TOPAZ1: variants seen among roughly 807,000 people sequenced by gnomAD.
TOPAZ1 encodes the protein protein TOPAZ1.
A neutral mutation model predicts 172.2 loss-of-function variants in TOPAZ1; 66 were observed. That is an observed-to-expected ratio of 0.38 (90% CI 0.31 to 0.47). The LOEUF is 0.47. Ranked by LOEUF, TOPAZ1 falls within the 20% of genes least tolerant of loss-of-function variation. TOPAZ1 has a pLI of 0.99. For synonymous variants in TOPAZ1, 681 were observed against 683.9 expected (o/e 1.00, Z 0.07); for missense variants, 1,822 against 1,972.4 (o/e 0.92, Z 1.44).
At chr3:44,270,091 T>C (rs1373207947) in intron 7 of TOPAZ1, among the ~76,000 whole-genome samples, 1 of 152,174 alleles carries the variant, frequency 6.6e-6, no homozygotes, top group African/African-American at 2.4e-5. Flanking sequence ...TGAATACTTT[T>C]CTGTGATGAA....
chr3:44,311,621 G>A (rs753116185), intron 16 of TOPAZ1, among the ~76,000 whole-genome samples: 1 of 152,092 alleles, frequency 6.6e-6, no homozygotes, highest in Non-Finnish European at 1.5e-5. Flanking sequence ...TGCAGTGACA[G>A]TTTCAACTAA....
chr3:44,299,818 T>G (rs1192010681), intron 12 of TOPAZ1, among the ~76,000 whole-genome samples: 1 of 149,036 alleles, frequency 6.7e-6, no homozygotes, highest in Non-Finnish European at 1.5e-5. Context: ...TGGATGAAAT[T>G]GGAAATCATC....
intron 13 of TOPAZ1, 114 bp downstream of exon 13, chr3:44,304,195 T>C (rs1459554279): frequency 3.5e-6 from 2 of 566,840 alleles, no homozygotes; most frequent in Non-Finnish European, 6.0e-6. Context: ...GTGGCTGTTA[T>C]ACAGAGAAAA....
intron 2 of TOPAZ1, among the ~76,000 whole-genome samples, chr3:44,251,723 A>G (rs1425091824): frequency 6.6e-6 from 1 of 152,174 alleles, no homozygotes; most frequent in Non-Finnish European, 1.5e-5. Flanking sequence ...GCTTGAGGTA[A>G]TCTGTATGGC....
intron 9 of TOPAZ1, among the ~76,000 whole-genome samples, chr3:44,282,319 C>A (rs1700031908): frequency 6.6e-6 from 1 of 152,148 alleles, no homozygotes; most frequent in South Asian, 2.1e-4. Flanking sequence ...TTAACTCTAT[C>A]TAAAGGGATT....
rs1267843851 is a variant in TOPAZ1 at position 44,286,154 on chromosome 3, G to C, written c.3437-1235G>C. 5.3e-5 allele frequency among the ~76,000 whole-genome samples: 8 copies of C among 151,670 alleles called. No individual in the cohort carries two copies. In the East Asian group the frequency reaches 1.6e-3, roughly 30 times the overall value. ...CGTTTGAACCTGGAAGGCAGAGGTT[G>C]CAGTGAGCTGAGATCATGCCACTGC... is the stretch of plus-strand genomic sequence containing the variant. On this transcript the variant is annotated intron_variant, in intron 9 of 19. Coordinates refer to ENST00000309765, the MANE Select transcript of TOPAZ1 (RefSeq NM_001145030.2).
chr3:44,248,735 A>G (rs1699595222), intron 2 of TOPAZ1, among the ~76,000 whole-genome samples: 1 of 152,206 alleles, frequency 6.6e-6, no homozygotes, highest in Non-Finnish European at 1.5e-5. Flanking sequence ...GGCTGCTGGA[A>G]TGAGTTTTTA....
intron 9 of TOPAZ1, among the ~76,000 whole-genome samples, chr3:44,285,135 G>T (rs2125692119): frequency 6.6e-6 from 1 of 152,250 alleles, no homozygotes; most frequent in East Asian, 1.9e-4. Context: ...TGAGTAATTG[G>T]TAAAGTAGCG....
At chr3:44,304,831 C>T (rs1025268994) in intron 13 of TOPAZ1, among the ~76,000 whole-genome samples, 1 of 152,122 alleles carries the variant, frequency 6.6e-6, no homozygotes, top group Non-Finnish European at 1.5e-5. Flanking sequence ...ATCATGTTTT[C>T]CGTAAAATCC....
At position 44,324,500 on chromosome 3, in the gene TOPAZ1, C is replaced by G. The variant is rs569899392; in HGVS notation, c.4675+1205C>G. Among the ~76,000 whole-genome samples, 7 of 151,922 alleles carry G rather than the reference C, an allele frequency of 4.6e-5. No individual in the cohort carries two copies. The South Asian group carries it at 1.2e-3, about 27-fold the overall frequency. On this transcript the variant is annotated intron_variant, in intron 18 of 19. Transcript: ENST00000309765. ...ATAACTGTGCAACTGGGGGGAGATGCCATCAAAAGGTGTTTATATGCCACA... is the reference window on the plus strand; with the variant it reads ...ATAACTGTGCAACTGGGGGGAGATGGCATCAAAAGGTGTTTATATGCCACA...
chr3:44,303,960 G>A (rs1700305597), intron 12 of TOPAZ1, 55 bp from the exon 13 acceptor site: 1 of 996,258 alleles, frequency 1.0e-6, no homozygotes, highest in African/African-American at 1.6e-5. Flanking sequence ...ATTAGAAGCA[G>A]CAGTGACTTT....
intron 14 of TOPAZ1, among the ~76,000 whole-genome samples, chr3:44,305,536 A>AT (rs924877238): frequency 2.0e-5 from 3 of 151,902 alleles, no homozygotes; most frequent in South Asian, 2.1e-4. Context: ...CACTCAGCTA[A>AT]TTTTTTTATT....
At chr3:44,282,155 C>A in intron 9 of TOPAZ1, 124 bp downstream of exon 9, 1 of 587,850 alleles carries the variant, frequency 1.7e-6, no homozygotes, top group Non-Finnish European at 2.9e-6. Context: ...GCTCTGTTGG[C>A]CTAAGAAAGG....
At chr3:44,280,265 C>CT (rs903763467) in intron 8 of TOPAZ1, among the ~76,000 whole-genome samples, 117 of 148,292 alleles carry the variant, frequency 7.9e-4, no homozygotes, top group Middle Eastern at 6.9e-3. Flanking sequence ...TGACTAGATG[C>CT]TTTTTTTTTT....
intron 5 of TOPAZ1, among the ~76,000 whole-genome samples, chr3:44,263,797 C>T (rs1033980987): frequency 1.3e-5 from 2 of 152,126 alleles, no homozygotes; most frequent in Non-Finnish European, 2.9e-5. Flanking sequence ...TTTGTATTTA[C>T]TAATCAGCTC....
chr3:44,271,197 C>CAT (rs1699894267), intron 8 of TOPAZ1, among the ~76,000 whole-genome samples: 1 of 152,152 alleles, frequency 6.6e-6, no homozygotes, highest in South Asian at 2.1e-4. Flanking sequence ...ATAGGGTCTG[C>CAT]ATATATTCAG....
chr3:44,244,367 G>A lies in TOPAZ1; in HGVS notation c.1861G>A (p.Glu621Lys). The A allele has an allele frequency of 1.3e-6, 2 of 1,550,904 alleles. No individual in the cohort carries two copies. Among genetic ancestry groups the A allele is most frequent in the Non-Finnish European group, 1.7e-6 (2 of 1,146,770 alleles). The stretch of plus-strand genomic sequence containing the variant: ...TACTGAAGATACTCAATTAACCAGT[G>A]AGACTCAAAGCTTAACGGGAAATAA... ...NTTEDTQLTS[E>K]TQSLTGNKKK... Residue 621 changes from glutamate (E) to lysine (K), a missense_variant, in exon 2 of 20, where the codon GAG becomes AAG. Transcript: ENST00000309765.
At chr3:44,273,305 G>A (rs1699917930) in intron 8 of TOPAZ1, among the ~76,000 whole-genome samples, 1 of 152,140 alleles carries the variant, frequency 6.6e-6, no homozygotes, top group Non-Finnish European at 1.5e-5. Flanking sequence ...GCCTTTCTGT[G>A]ATAAGGCTTA....
Position 44,243,231 on chromosome 3 carries a change from A to C in TOPAZ1, c.725A>C (p.Asn242Thr). The C allele has an allele frequency of 1.3e-6, 2 of 1,550,242 alleles. No homozygotes were observed. The highest frequency in any genetic ancestry group is 2.4e-5 in the South Asian group (2 of 83,418). The change falls in exon 2 of 20, where the codon AAC (asparagine) becomes ACC (threonine). Residue 242 changes from asparagine to threonine, a missense_variant. By Grantham distance (65) the Asn-to-Thr change is moderately conservative. Transcript: ENST00000309765. ...CATTCCAAGGGTTGTAATGATGAAA[A>C]CAACCTGCCATATAAACCTGATGGT... The part of the protein sequence containing the change: ...FPHSKGCNDE[N>T]NLPYKPDGGC...
Sources: allele counts gnomAD v4.1 joint callset (sites outside exome capture counted in the v4.1 genomes callset), GRCh38; gene constraint gnomAD v4.1.1; transcripts MANE v1.5; gene names NCBI Gene and HGNC (gene_info 2026-07-23, HGNC 2026-07-21).